Variants in DOCK3 observed in about 807,000 individuals in gnomAD.
DOCK3 encodes dedicator of cytokinesis 3.
In DOCK3, 60 loss-of-function variants were observed where a neutral mutation model predicts 265.6. That is an observed-to-expected ratio of 0.23 (90% confidence interval 0.18 to 0.28). DOCK3 has a LOEUF of 0.28. Among genes scored for constraint, DOCK3 ranks in the 10% least tolerant of loss-of-function variants. DOCK3 has a pLI of 1.00. For missense variants in DOCK3, 1,981 were observed against 2,594.3 expected (o/e 0.76, Z 5.14); for synonymous variants, 881 against 938.0 (o/e 0.94, Z 1.11).
Position 51,214,222 on chromosome 3 carries a change from G to A in DOCK3, c.1227G>A (p.Leu409=), listed in dbSNP as rs765326812. ...GGGGATTGGCAATTACAAGAAAATT[G>A]GGATTTCCTGATGTCATTATGCCAG... is the stretch of plus-strand genomic sequence containing the variant. ...FNRGLAITRK[L]GFPDVIMPGD... is the part of the protein sequence containing the mutation. Residue 409 remains leucine, a synonymous_variant, in exon 14 of 53, where the codon TTG becomes TTA. Coordinates refer to ENST00000266037, the MANE Select transcript of DOCK3 (RefSeq NM_004947.5). 6.2e-7 allele frequency: 1 copy of A among 1,613,566 alleles called. No homozygotes were observed. The highest frequency in any genetic ancestry group is 2.2e-5 in the East Asian group (1 of 44,864).
intron 5 of DOCK3, among the ~76,000 whole-genome samples, chr3:51,012,444 A>C (rs923335826): frequency 6.6e-6 from 1 of 152,206 alleles, no homozygotes; most frequent in African/African-American, 2.4e-5. Flanking sequence ...GGACCCTCCA[A>C]GCCAGGCACA....
chr3:51,173,945 A>C (rs1282011638), intron 12 of DOCK3, among the ~76,000 whole-genome samples: 1 of 151,844 alleles, frequency 6.6e-6, no homozygotes, highest in Admixed American at 6.6e-5. Context: ...TGTTATCTTC[A>C]TAGTGCCCCG....
At chr3:51,134,326 C>T (rs1402324628) in intron 9 of DOCK3, among the ~76,000 whole-genome samples, 2 of 152,090 alleles carry the variant, frequency 1.3e-5, no homozygotes, top group Non-Finnish European at 2.9e-5. Context: ...AATGGTAGTT[C>T]TGTTTTCTGA....
intron 1 of DOCK3, among the ~76,000 whole-genome samples, chr3:50,777,846 T>C (rs1272931675): frequency 1.3e-5 from 2 of 152,156 alleles, no homozygotes; most frequent in Non-Finnish European, 2.9e-5. Flanking sequence ...TATATGATTA[T>C]ATCATTGATG....
chr3:51,101,647 A>G (rs1266487256), intron 9 of DOCK3, among the ~76,000 whole-genome samples: 1 of 152,224 alleles, frequency 6.6e-6, no homozygotes, highest in Non-Finnish European at 1.5e-5. Context: ...GTAAGCAAAA[A>G]TGTTACAGAG....
chr3:51,162,574 A>C (rs1362194414), intron 12 of DOCK3, among the ~76,000 whole-genome samples: 5 of 152,190 alleles, frequency 3.3e-5, no homozygotes, highest in Non-Finnish European at 5.9e-5. Flanking sequence ...CATCATTATC[A>C]TCTTACTCCA....
intron 3 of DOCK3, among the ~76,000 whole-genome samples, chr3:50,863,049 T>C (rs1029221996): frequency 1.3e-5 from 2 of 152,152 alleles, no homozygotes; most frequent in African/African-American, 4.8e-5. Context: ...TTGGCACTAC[T>C]CCTATGTTTT....
At chr3:51,111,422 G>T (rs1049727423) in intron 9 of DOCK3, among the ~76,000 whole-genome samples, 1 of 152,020 alleles carries the variant, frequency 6.6e-6, no homozygotes, top group African/African-American at 2.4e-5. Context: ...CCAGAAATAA[G>T]GCTATACACC....
At chr3:50,943,253 C>T (rs2076341724) in intron 5 of DOCK3, among the ~76,000 whole-genome samples, 1 of 151,914 alleles carries the variant, frequency 6.6e-6, no homozygotes, top group South Asian at 2.1e-4. Context: ...ATTTTTAGGG[C>T]AGTGAAAGTA....
chr3:51,043,710 A>G (rs1202140845), intron 5 of DOCK3, among the ~76,000 whole-genome samples: 2 of 152,094 alleles, frequency 1.3e-5, no homozygotes, highest in Non-Finnish European at 2.9e-5. Context: ...TCTAGTATCT[A>G]TAAGGAACTT....
chr3:51,031,764 A>C (rs1411934375), intron 5 of DOCK3, among the ~76,000 whole-genome samples: 1 of 152,166 alleles, frequency 6.6e-6, no homozygotes, highest in African/African-American at 2.4e-5. Flanking sequence ...TTTAGGAGGT[A>C]ACTAGGCCAC....
chr3:51,148,756 T>C (rs1366197299), intron 10 of DOCK3, among the ~76,000 whole-genome samples: 1 of 152,210 alleles, frequency 6.6e-6, no homozygotes, highest in Non-Finnish European at 1.5e-5. Context: ...CCTTGTAGTA[T>C]AGTTTGAAGT....
At position 51,383,301 on chromosome 3, in the gene DOCK3, G is replaced by A. The variant is rs1282671001; in HGVS notation, c.*1742G>A. The A allele has an allele frequency of 1.3e-5, 2 of 152,570 alleles. No individual in the cohort carries two copies. The highest frequency in any genetic ancestry group is 4.8e-5 in the African/African-American group (2 of 41,464). The allele number at this position is 152,570 out of a possible 1,614,324, so 9.5% of individuals were successfully genotyped here. Reference sequence around the variant, plus strand: ...TTCTGATACCACCAGGTTCACTCCAGGCAGAGTGGGGCGGAAGGCTGCTGA... The same window carrying A: ...TTCTGATACCACCAGGTTCACTCCAAGCAGAGTGGGGCGGAAGGCTGCTGA... On this transcript the variant is annotated 3_prime_UTR_variant, in exon 53 of 53. Transcript: ENST00000266037.
intron 1 of DOCK3, among the ~76,000 whole-genome samples, chr3:50,765,248 A>T (rs2040802491): frequency 6.8e-6 from 1 of 148,032 alleles, no homozygotes; most frequent in African/African-American, 2.5e-5. Flanking sequence ...TTCCTGGCTA[A>T]TTTTTTTGAA....
At chr3:51,147,373 G>A (rs547720615) in intron 10 of DOCK3, among the ~76,000 whole-genome samples, 6 of 152,006 alleles carry the variant, frequency 3.9e-5, no homozygotes, top group African/African-American at 1.4e-4. Flanking sequence ...TTAAGTTCTA[G>A]GGTACATGTA....
rs117856338 is a variant in DOCK3 at position 51,020,006 on chromosome 3, T to C, written c.316-44442T>C. Among the ~76,000 whole-genome samples the C allele has an allele frequency of 6.1e-3, 928 of 152,036 alleles. 29 individuals are homozygous for C. Among genetic ancestry groups the C allele is most frequent in the East Asian group, 0.044 (227 of 5,190 alleles). On this transcript the variant is annotated intron_variant, in intron 5 of 52. Coordinates refer to ENST00000266037, the MANE Select transcript of DOCK3 (RefSeq NM_004947.5). The stretch of plus-strand genomic sequence containing the variant: ...TTGGGTATATACAGAGTAATGGAAT[T>C]GCTGGGTCAAATGGTATTTCTGCCT...
intron 26 of DOCK3, chr3:51,278,400 G>C: frequency 3.0e-6 from 3 of 985,336 alleles, no homozygotes; most frequent in Non-Finnish European, 3.6e-6. Context: ...AGGTGGGGAT[G>C]TGATAAACAG....
At chr3:51,179,918 A>AT (rs2087179649) in intron 12 of DOCK3, among the ~76,000 whole-genome samples, 1 of 151,970 alleles carries the variant, frequency 6.6e-6, no homozygotes, top group Non-Finnish European at 1.5e-5. Context: ...CTCAAAAAAA[A>AT]CAAGGGCCGG....
At chr3:51,057,413 C>G (rs1407589728) in intron 5 of DOCK3, among the ~76,000 whole-genome samples, 1 of 152,092 alleles carries the variant, frequency 6.6e-6, no homozygotes, top group East Asian at 1.9e-4. Flanking sequence ...TTTCTTCTGC[C>G]CAATCTCCTC....
Sources: gnomAD v4.1 joint callset for allele counts (sites outside exome capture counted in the v4.1 genomes callset) on GRCh38, gnomAD v4.1.1 for gene constraint, MANE v1.5 for transcripts, NCBI Gene and HGNC (gene_info 2026-07-23, HGNC 2026-07-21) for gene names.